HS6ST2: variants seen among roughly 807,000 people sequenced by gnomAD.
The protein encoded by HS6ST2 is heparan sulfate 6-O-sulfotransferase 2.
A neutral mutation model predicts 33.0 loss-of-function variants in HS6ST2; 17 were observed. That is an observed-to-expected ratio of 0.52 (90% CI 0.35 to 0.77). The LOEUF is 0.77. Among genes scored for constraint, HS6ST2 ranks in the 30% least tolerant of loss-of-function variants. The probability of loss-of-function intolerance (pLI) is 0.01; values close to 1 mark genes in which losing one functional copy is unlikely to be tolerated. For missense variants in HS6ST2, 519 were observed against 551.7 expected (o/e 0.94, Z 0.59); for synonymous variants, 248 against 237.1 (o/e 1.05, Z -0.42).
At chrX:132,797,660 A>G (rs1232619778) in intron 2 of HS6ST2, among the ~76,000 whole-genome samples, 1 of 111,070 alleles carries the variant, frequency 9.0e-6, no homozygotes, top group Non-Finnish European at 1.9e-5. Flanking sequence ...TTCCTCTGAA[A>G]GAAGAGCTGA....
chrX:132,650,306 A>G (rs756314261), intron 4 of HS6ST2, among the ~76,000 whole-genome samples: 20 of 111,219 alleles, frequency 1.8e-4, no homozygotes, highest in Non-Finnish European at 3.6e-4. Flanking sequence ...ATGTGTCTGG[A>G]GAGAACAGTA....
chrX:132,760,291 C>G (rs762110180), intron 2 of HS6ST2, among the ~76,000 whole-genome samples: 9 of 110,773 alleles, frequency 8.1e-5, no homozygotes, highest in Non-Finnish European at 1.7e-4. Context: ...TCCTATAATC[C>G]CCATGTGTCA....
intron 4 of HS6ST2, among the ~76,000 whole-genome samples, chrX:132,645,794 G>T (rs1235986741): frequency 8.9e-6 from 1 of 112,248 alleles, no homozygotes; most frequent in Non-Finnish European, 1.9e-5. Context: ...TCATTTTCAA[G>T]GATTAAAGAG....
rs1320713790 is a variant in HS6ST2, at chrX:132,633,598, A to G, written c.1068-4505T>C. On this transcript the variant is annotated intron_variant, in intron 4 of 4. Transcript: ENST00000370833. ...CGGGACATCTGAGTAGAGTTGAATG[A>G]ACAGATCTGGCACTCAGAGAGCAAC... Among the ~76,000 whole-genome samples, 3 of 110,876 alleles carry G rather than the reference A, an allele frequency of 2.7e-5. No homozygotes were observed. The Admixed American group carries it at 2.9e-4, about 11-fold the overall frequency.
rs775177023 is a variant in HS6ST2 at position 132,919,179 on chromosome X, CAACT to C, written c.947+37625_947+37628del. ...CTGCAGGACTAGCAGCACATACAAC[CAACT>C]GTCACTATGAAAAGACTGGCTAATC... On this transcript the variant is annotated intron_variant, in intron 2 of 4. Transcript: ENST00000370833. 1.3e-4 allele frequency among the ~76,000 whole-genome samples: 15 copies of C among 112,091 alleles called. No homozygotes were observed. The South Asian group carries it at 2.6e-3, about 20-fold the overall frequency.
intron 2 of HS6ST2, among the ~76,000 whole-genome samples, chrX:132,894,565 C>T (rs1166876750): frequency 9.2e-6 from 1 of 108,581 alleles, no homozygotes; most frequent in African/African-American, 3.4e-5. Context: ...GAGATGGAGT[C>T]TTGTTCTGTT....
chrX:132,763,472 C>T (rs2064820377), intron 2 of HS6ST2, among the ~76,000 whole-genome samples: 1 of 112,172 alleles, frequency 8.9e-6, no homozygotes, highest in Non-Finnish European at 1.9e-5. Context: ...CACCGTGGTA[C>T]GGAGAAACAG....
At chrX:132,873,143 A>G (rs2066080089) in intron 2 of HS6ST2, among the ~76,000 whole-genome samples, 1 of 111,903 alleles carries the variant, frequency 8.9e-6, no homozygotes, top group Non-Finnish European at 1.9e-5. Flanking sequence ...TGGGGTGCTC[A>G]ATGCCAAGTC....
At chrX:132,680,890 T>C (rs1002768314) in intron 3 of HS6ST2, among the ~76,000 whole-genome samples, 2 of 110,327 alleles carry the variant, frequency 1.8e-5, no homozygotes, top group African/African-American at 6.6e-5. Flanking sequence ...TCCCAGCTAC[T>C]TGGGAAGGCT....
chrX:132,684,710 GTGTTATCTGC>G (rs986337186), intron 3 of HS6ST2, among the ~76,000 whole-genome samples: 4 of 92,681 alleles, frequency 4.3e-5, no homozygotes, highest in African/African-American at 1.5e-4. Flanking sequence ...CTCATCAGCA[GTGTTATCTGC>G]TGTCTACATC....
intron 2 of HS6ST2, among the ~76,000 whole-genome samples, chrX:132,839,624 T>C (rs2065688869): frequency 9.1e-6 from 1 of 109,922 alleles, no homozygotes; most frequent in Non-Finnish European, 1.9e-5. Flanking sequence ...ATGATTACAC[T>C]AAAAGCCTAA....
chrX:132,770,118 G>A (rs369879935), intron 2 of HS6ST2, among the ~76,000 whole-genome samples: 1 of 111,759 alleles, frequency 8.9e-6, no homozygotes, highest in Non-Finnish European at 1.9e-5. Flanking sequence ...CCTGAGTGCT[G>A]CTATAGTGTT....
intron 2 of HS6ST2, among the ~76,000 whole-genome samples, chrX:132,866,326 C>G (rs1429666187): frequency 1.9e-5 from 2 of 105,379 alleles, no homozygotes; most frequent in Non-Finnish European, 3.9e-5. Flanking sequence ...CTGTTCTGTT[C>G]CATTGATCTA....
At chrX:132,935,017 G>T (rs1324239533) in intron 2 of HS6ST2, among the ~76,000 whole-genome samples, 1 of 111,356 alleles carries the variant, frequency 9.0e-6, no homozygotes, top group Non-Finnish European at 1.9e-5. Context: ...ACTAAAGAAA[G>T]AAGTTTTATA....
At chrX:132,719,150 A>G (rs748454050) in intron 2 of HS6ST2, among the ~76,000 whole-genome samples, 2 of 111,658 alleles carry the variant, frequency 1.8e-5, no homozygotes, top group East Asian at 5.7e-4. Flanking sequence ...ACAGTGAACC[A>G]GGCCATTCAG....
intron 2 of HS6ST2, among the ~76,000 whole-genome samples, chrX:132,738,786 A>G (rs1468414742): frequency 8.9e-6 from 1 of 112,119 alleles, no homozygotes; most frequent in Non-Finnish European, 1.9e-5. Context: ...TTAGCTAGCT[A>G]GCATGTGGCC....
chrX:132,650,960 G>T (rs1199343922), intron 4 of HS6ST2, among the ~76,000 whole-genome samples: 1 of 110,617 alleles, frequency 9.0e-6, no homozygotes, highest in East Asian at 2.8e-4. Context: ...AGAGATAGGG[G>T]TCTCACTATG....
chrX:132,672,555 T>A (rs753796339), intron 3 of HS6ST2, among the ~76,000 whole-genome samples: 23 of 111,415 alleles, frequency 2.1e-4, no homozygotes, highest in African/African-American at 4.9e-4. Context: ...CTCTCTCTAG[T>A]GCCTCACAAC....
chrX:132,723,711 A>T, intron 2 of HS6ST2, among the ~76,000 whole-genome samples: 1 of 112,484 alleles, frequency 8.9e-6, no homozygotes, highest in Non-Finnish European at 1.9e-5. Flanking sequence ...CACAGCTAGT[A>T]TCATACTAAA....
Sources: allele counts gnomAD v4.1 joint callset (sites outside exome capture counted in the v4.1 genomes callset), GRCh38; gene constraint gnomAD v4.1.1; transcripts MANE v1.5; gene names NCBI Gene and HGNC (gene_info 2026-07-23, HGNC 2026-07-21).